SKAP2: variants seen among roughly 807,000 people sequenced by gnomAD.
SKAP2 encodes the protein src kinase-associated phosphoprotein 2.
Under a neutral mutation model 54.9 loss-of-function variants are expected in SKAP2, and 28 were observed. The observed-to-expected ratio is 0.51, with a 90% CI of 0.38 to 0.70. The LOEUF is 0.70. SKAP2 is among the 30% of genes least tolerant of loss of function. The probability of loss-of-function intolerance (pLI) is 0.00; values close to 1 mark genes in which losing one functional copy is unlikely to be tolerated. For missense variants in SKAP2, 356 were observed against 424.1 expected (o/e 0.84, Z 1.41); for synonymous variants, 137 against 134.3 (o/e 1.02, Z -0.14).
the SKAP2 span, among the ~76,000 whole-genome samples, chr7:26,659,914 G>A: frequency 3.6e-3 from 542 of 152,084 alleles, 2 homozygotes; most frequent in Non-Finnish European, 6.4e-3. Context: ...ATGTGTAAAT[G>A]GTAATCTGTT....
chr7:26,684,147 T>C (rs954576366), intron 11 of SKAP2, among the ~76,000 whole-genome samples: 4 of 152,068 alleles, frequency 2.6e-5, no homozygotes, highest in Non-Finnish European at 5.9e-5. Flanking sequence ...TTTATGTATA[T>C]ACACACACAC....
intron 11 of SKAP2, among the ~76,000 whole-genome samples, chr7:26,675,138 C>T (rs763345772): frequency 2.6e-5 from 4 of 152,160 alleles, no homozygotes; most frequent in African/African-American, 7.2e-5. Context: ...CTGTTCTTCC[C>T]GGGAACTCTT....
chr7:26,690,587 A>AAACTTTCC (rs1277071029), intron 9 of SKAP2, among the ~76,000 whole-genome samples: 1 of 152,214 alleles, frequency 6.6e-6, no homozygotes, highest in African/African-American at 2.4e-5. Context: ...TCCACATAGC[A>AAACTTTCC]AACTTTCCAA....
At chr7:26,753,863 G>C (rs1419419293) in intron 4 of SKAP2, among the ~76,000 whole-genome samples, 1 of 152,104 alleles carries the variant, frequency 6.6e-6, no homozygotes, top group Non-Finnish European at 1.5e-5. Context: ...AGAATGAGAA[G>C]CAAGATAGCC....
At chr7:26,701,093 T>A (rs1165588280) in intron 9 of SKAP2, among the ~76,000 whole-genome samples, 1 of 152,182 alleles carries the variant, frequency 6.6e-6, no homozygotes, top group Non-Finnish European at 1.5e-5. Flanking sequence ...CCACTTTTAC[T>A]CCAGGTGTGG....
chr7:26,792,836 A>G (rs1422403864), intron 4 of SKAP2, among the ~76,000 whole-genome samples: 1 of 152,198 alleles, frequency 6.6e-6, no homozygotes, highest in Non-Finnish European at 1.5e-5. Context: ...TTTACAAGGC[A>G]GACAGACAGA....
intron 1 of SKAP2, among the ~76,000 whole-genome samples, chr7:26,856,874 A>T (rs1286686022): frequency 3.3e-5 from 5 of 152,164 alleles, no homozygotes; most frequent in Non-Finnish European, 7.3e-5. Flanking sequence ...ATCCAAGTTT[A>T]AACAAACAAT....
intron 4 of SKAP2, among the ~76,000 whole-genome samples, chr7:26,766,796 C>A (rs1234865167): frequency 6.6e-6 from 1 of 152,168 alleles, no homozygotes; most frequent in Non-Finnish European, 1.5e-5. Context: ...GTCAAACCAG[C>A]CTTGCATCCC....
chr7:26,690,836 C>T (rs1003166245), intron 9 of SKAP2, among the ~76,000 whole-genome samples: 1 of 152,166 alleles, frequency 6.6e-6, no homozygotes, highest in African/African-American at 2.4e-5. Context: ...GTCCCTAAAA[C>T]ATCATATAGC....
chr7:26,840,390 G>C (rs1470593886), intron 4 of SKAP2, among the ~76,000 whole-genome samples: 1 of 152,052 alleles, frequency 6.6e-6, no homozygotes, highest in Non-Finnish European at 1.5e-5. Context: ...ACTTTCCATA[G>C]TGCTATATAG....
At chr7:26,773,253 C>G (rs1230986946) in intron 4 of SKAP2, among the ~76,000 whole-genome samples, 3 of 152,206 alleles carry the variant, frequency 2.0e-5, no homozygotes, top group African/African-American at 7.2e-5. Context: ...TGCCATTTTA[C>G]ATTTTTCTCT....
At chr7:26,785,877 A>G (rs927979665) in intron 4 of SKAP2, among the ~76,000 whole-genome samples, 1 of 152,192 alleles carries the variant, frequency 6.6e-6, no homozygotes, top group South Asian at 2.1e-4. Context: ...TCCATCTACC[A>G]TAAGACAGAG....
intron 4 of SKAP2, among the ~76,000 whole-genome samples, chr7:26,823,299 G>A (rs978608813): frequency 1.3e-5 from 2 of 151,562 alleles, no homozygotes; most frequent in East Asian, 1.9e-4. Flanking sequence ...GGTGGTGGGC[G>A]CCTGTAATCC....
At position 26,790,035 on chromosome 7, in the gene SKAP2, C is replaced by G. The variant is rs529748943; in HGVS notation, c.308-50071G>C. On this transcript the variant is annotated intron_variant, in intron 4 of 12. Coordinates refer to ENST00000345317, the MANE Select transcript of SKAP2 (RefSeq NM_003930.5). ...CTTTACAAGACTGCATGCCTACCAGCTGATGGCCAGTATGTACTACCGCTT... is the reference window on the plus strand; with the variant it reads ...CTTTACAAGACTGCATGCCTACCAGGTGATGGCCAGTATGTACTACCGCTT... Among the ~76,000 whole-genome samples the G allele has an allele frequency of 2.7e-3, 415 of 152,298 alleles. 4 individuals carry two copies. Among genetic ancestry groups the G allele is most frequent in the African/African-American group, 9.6e-3 (397 of 41,556 alleles).
intron 11 of SKAP2, among the ~76,000 whole-genome samples, chr7:26,681,995 C>T (rs1319494313): frequency 6.6e-6 from 1 of 152,016 alleles, no homozygotes; most frequent in Non-Finnish European, 1.5e-5. Context: ...CATTCTGAGC[C>T]ACTAGATGGC....
At chr7:26,839,739 G>T (rs914862167) in intron 4 of SKAP2, among the ~76,000 whole-genome samples, 18 of 151,920 alleles carry the variant, frequency 1.2e-4, no homozygotes, top group African/African-American at 3.6e-4. Context: ...CGTGGCTTTT[G>T]TAAGAACTGA....
In SKAP2 at chr7:26,684,858, A is replaced by G; in HGVS notation, c.875-10T>C. 6.5e-7 allele frequency: 1 copy of G among 1,528,022 alleles called. No homozygotes were observed. Among genetic ancestry groups the G allele is most frequent in the Non-Finnish European group, 9.0e-7 (1 of 1,105,080 alleles). The allele number at this position is 1,528,022 out of a possible 1,614,324, so 94.7% of individuals were successfully genotyped here. A position where few individuals can be genotyped will look rare whatever the true frequency, so the allele number is the denominator to read the frequency against. On this transcript the variant is annotated splice_polypyrimidine_tract_variant and intron_variant, in intron 10 of 12. Coordinates refer to ENST00000345317, the MANE Select transcript of SKAP2 (RefSeq NM_003930.5). Reference sequence around the variant, plus strand: ...TCAGTGCTCTTATCCCCTAGGAAGAAGAAAGAGAAAGCATGAATTAGGGCC... The same window carrying G: ...TCAGTGCTCTTATCCCCTAGGAAGAGGAAAGAGAAAGCATGAATTAGGGCC...
chr7:26,679,939 T>C (rs1459323100), intron 11 of SKAP2, among the ~76,000 whole-genome samples: 1 of 152,222 alleles, frequency 6.6e-6, no homozygotes, highest in African/African-American at 2.4e-5. Flanking sequence ...CCTTTTATTT[T>C]ATATTGGTGA....
intron 4 of SKAP2, among the ~76,000 whole-genome samples, chr7:26,807,321 T>G (rs556713476): frequency 6.6e-6 from 1 of 152,188 alleles, no homozygotes; most frequent in Non-Finnish European, 1.5e-5. Flanking sequence ...GGGAAGGACC[T>G]GGTGGGAAGT....
Sources: allele counts gnomAD v4.1 joint callset (sites outside exome capture counted in the v4.1 genomes callset), GRCh38; gene constraint gnomAD v4.1.1; transcripts MANE v1.5; gene names NCBI Gene and HGNC (gene_info 2026-07-23, HGNC 2026-07-21).